APLP1: variants seen among roughly 807,000 people sequenced by gnomAD.
The protein encoded by APLP1 is amyloid beta (A4) precursor-like protein 1.
In APLP1, 46 loss-of-function variants were observed where a neutral mutation model predicts 84.5. The ratio of observed to expected loss-of-function variants is 0.54; its 90% CI spans 0.43 to 0.70. APLP1 has a LOEUF of 0.70. APLP1 is among the 30% of genes least tolerant of loss of function. APLP1 has a pLI of 0.00. For missense variants in APLP1, 826 were observed against 900.2 expected, an observed-to-expected ratio of 0.92 and a Z score of 1.05; for synonymous variants, 376 against 364.0, an observed-to-expected ratio of 1.03 and a Z score of -0.38.
chr19:35,874,658 C>G lies in APLP1; in HGVS notation c.1211C>G (p.Pro404Arg). 1 of 1,613,658 alleles carries G rather than the reference C, an allele frequency of 6.2e-7. No homozygotes were observed. Among genetic ancestry groups the G allele is most frequent in the Non-Finnish European group, 8.5e-7 (1 of 1,179,940 alleles). ...CTGGCAGCCCTGCAGGCAGATCCGC[C>G]TCAGGTGCGGGGACCGTGGGGGCAG... ...GFLAALQADP[P>R]QAERVLLALR... is the part of the protein sequence containing the mutation. Residue 404 changes from proline to arginine, a missense_variant, in exon 9 of 17, where the codon CCT becomes CGT. Around this residue, in one of 3 missense-constraint regions of APLP1, gnomAD observed 433 missense variants for 496.5 expected, o/e 0.87. Transcript: ENST00000221891. This position sits in a 1 kb window ranked among gnomAD's most constrained non-coding sequence, Gnocchi z 6.4.
Position 35,868,762 on chromosome 19 carries a change from T to C in APLP1, c.126T>C (p.Gly42=). 1 of 1,268,828 alleles carries C rather than the reference T, an allele frequency of 7.9e-7. No homozygotes were observed. Among genetic ancestry groups the C allele is most frequent in the Non-Finnish European group, 9.9e-7 (1 of 1,009,286 alleles). 78.6% of individuals were successfully genotyped at this position (1,268,828 alleles called of 1,614,324 possible). Residue 42 remains glycine, a synonymous_variant, in exon 1 of 17, where the codon GGT becomes GGC. Transcript: ENST00000221891. The surrounding 1 kb of genome is among the most constrained non-coding windows in gnomAD (Gnocchi z 5.2). ...RAQPAIGSLA[G]GSPGAAEAPG... is the part of the protein sequence containing the mutation. ...AGCCCGCCATCGGGAGCCTGGCCGG[T>C]GGGAGCCCCGGCGCGGCCGAGGTGA...
chr19:35,878,189 G>T, intron 13 of APLP1, 81 bp downstream of exon 13: 1 of 1,463,216 alleles, frequency 6.8e-7, no homozygotes, highest in Non-Finnish European at 9.4e-7. Context: ...CATCCATTGG[G>T]AACCTCAGAC....
At chr19:35,869,552 CG>C (rs1974086036) in intron 1 of APLP1, 114 bp from the exon 2 acceptor site, 1 of 1,387,148 alleles carries the variant, frequency 7.2e-7, no homozygotes, top group African/African-American at 1.5e-5. Flanking sequence ...AGGCGGTGTG[CG>C]GTGCTTGGGG....
Position 35,877,745 on chromosome 19 carries a change from G to A in APLP1, c.1472G>A (p.Gly491Asp). 2 of 1,610,098 alleles carry A rather than the reference G, an allele frequency of 1.2e-6. No homozygotes were observed. Among genetic ancestry groups the A allele is most frequent in the Non-Finnish European group, 1.7e-6 (2 of 1,178,924 alleles). Residue 491 changes from glycine (G) to aspartate (D), a missense_variant, in exon 12 of 17, where the codon GGT becomes GAT. Gly to Asp is a moderately conservative substitution (Grantham distance 94). Coordinates refer to ENST00000221891, the MANE Select transcript of APLP1 (RefSeq NM_001024807.3). ...IQELLHSEHL[G>D]PSELEAPAPG... ...GAACTCCTCCACTCTGAACACCTGG[G>A]TCCCAGTGAATTGGAAGCCCCTGCC...
intron 10 of APLP1, 37 bp from the exon 11 acceptor site, chr19:35,876,480 A>G (rs759706855): frequency 1.3e-6 from 2 of 1,553,886 alleles, no homozygotes; most frequent in East Asian, 4.5e-5. Context: ...TCCAGCCTGC[A>G]TTGCGCAGTT....
intron 10 of APLP1, among the ~76,000 whole-genome samples, chr19:35,876,081 C>T (rs981379348): frequency 1.3e-5 from 2 of 152,236 alleles, no homozygotes; most frequent in African/African-American, 4.8e-5. Context: ...GGTCGAGAAT[C>T]TCCTTCTTGT....
At chr19:35,872,716 GC>G (rs2146906122) in intron 7 of APLP1, 103 bp downstream of exon 7, 1 of 1,376,588 alleles carries the variant, frequency 7.3e-7, no homozygotes, top group African/African-American at 1.5e-5. Flanking sequence ...GGCTCCCTAA[GC>G]CCCTTTGACC....
In APLP1 at chr19:35,874,513, T is replaced by A; in HGVS notation, c.1066T>A (p.Ser356Thr). ...CCCACCCGCTCCCCAGCACTTCCAGTCCATTCTGCAGACTCTGGAGGAGCA... is the reference window on the plus strand; with the variant it reads ...CCCACCCGCTCCCCAGCACTTCCAGACCATTCTGCAGACTCTGGAGGAGCA... ...DRQALNEHFQ[S>T]ILQTLEEQVS... The change falls in exon 9 of 17, where the codon TCC becomes ACC. Residue 356 changes from serine to threonine, a missense_variant. Transcript: ENST00000221891. This position sits in a 1 kb window ranked among gnomAD's most constrained non-coding sequence, Gnocchi z 6.4. 6.2e-7 allele frequency: 1 copy of A among 1,614,160 alleles called. No individual in the cohort carries two copies. The highest frequency in any genetic ancestry group is 8.5e-7 in the Non-Finnish European group (1 of 1,180,016).
Position 35,868,901 on chromosome 19 carries a change from A to G in APLP1, c.147+118A>G. ...CTTTCCAGCCAGGTGGTCAGCCCCCAGGCGCCCCCAATCACATTTATGAAC... is the reference window on the plus strand; with the variant it reads ...CTTTCCAGCCAGGTGGTCAGCCCCCGGGCGCCCCCAATCACATTTATGAAC... On this transcript the variant is annotated intron_variant, in intron 1 of 16. Transcript: ENST00000221891. This position sits in a 1 kb window ranked among gnomAD's most constrained non-coding sequence, Gnocchi z 5.2. The G allele has an allele frequency of 1.1e-6, 1 of 910,114 alleles. No individual in the cohort carries two copies. Among genetic ancestry groups the G allele is most frequent in the Non-Finnish European group, 1.5e-6 (1 of 689,030 alleles). 56.4% of individuals were successfully genotyped at this position (910,114 alleles called of 1,614,324 possible).
At position 35,869,455 on chromosome 19, in the gene APLP1, C is replaced by CG. The variant is rs1168215388; in HGVS notation, c.148-207dup. ...CGCGGCAACAAGGCAGAAAGAATCC[C>CG]GGGGGACCCAGGTCGCCATAGCAAC... On this transcript the variant is annotated intron_variant, in intron 1 of 16. Coordinates refer to ENST00000221891, the MANE Select transcript of APLP1 (RefSeq NM_001024807.3). The CG allele has an allele frequency of 4.3e-6, 3 of 702,688 alleles. No individual in the cohort carries two copies. The African/African-American group carries it at 5.5e-5, about 13-fold the overall frequency. The allele number at this position is 702,688 out of a possible 1,614,324, so 43.5% of individuals were successfully genotyped here.
chr19:35,868,910 C>T lies in APLP1; in HGVS notation c.147+127C>T. 2 of 819,174 alleles carry T rather than the reference C, an allele frequency of 2.4e-6. No individual in the cohort carries two copies. The highest frequency in any genetic ancestry group is 1.7e-6 in the Non-Finnish European group (1 of 604,572). 50.7% of individuals were successfully genotyped at this position (819,174 alleles called of 1,614,324 possible). ...CAGGTGGTCAGCCCCCAGGCGCCCC[C>T]AATCACATTTATGAACCCAGGGTTC... On this transcript the variant is annotated intron_variant, in intron 1 of 16. Coordinates refer to ENST00000221891, the MANE Select transcript of APLP1 (RefSeq NM_001024807.3). The surrounding 1 kb of genome is among the most constrained non-coding windows in gnomAD (Gnocchi z 5.2).
At position 35,871,261 on chromosome 19, in the gene APLP1, T is replaced by C; in HGVS notation, c.449T>C (p.Leu150Pro). ...GCTGGTGAATTTGTGAGTGAGGCCC[T>C]GCTGGTGCCTGAAGGCTGCCGGTTC... ...CLPGEFVSEALLVPEGCRFLH... is the reference protein window; with the variant it reads ...CLPGEFVSEAPLVPEGCRFLH... Residue 150 changes from leucine (L) to proline (P), a missense_variant, in exon 4 of 17, where the codon CTG (leucine) becomes CCG (proline). Leu to Pro is a moderately conservative substitution (Grantham distance 98, BLOSUM62 -3). Transcript: ENST00000221891. 1 of 1,613,630 alleles carries C rather than the reference T, an allele frequency of 6.2e-7. No homozygotes were observed. The highest frequency in any genetic ancestry group is 1.1e-5 in the South Asian group (1 of 90,936).
chr19:35,869,495 G>GC (rs763908819), intron 1 of APLP1, 172 bp from the exon 2 acceptor site: 3 of 911,370 alleles, frequency 3.3e-6, no homozygotes, highest in Non-Finnish European at 5.1e-6. Flanking sequence ...GCGCTGGGGC[G>GC]CCCCCGCCCT....
Position 35,878,607 on chromosome 19 carries a change from TC to T in APLP1, c.1607del (p.Pro536LeufsTer6). The T allele has an allele frequency of 6.2e-7, 1 of 1,613,386 alleles. No homozygotes were observed. Among genetic ancestry groups the T allele is most frequent in the Non-Finnish European group, 8.5e-7 (1 of 1,179,904 alleles). On this transcript the variant is annotated frameshift_variant, in exon 14 of 17. Coordinates refer to ENST00000221891, the MANE Select transcript of APLP1 (RefSeq NM_001024807.3). LOFTEE classifies it high-confidence loss of function. ...AGGGTCCACAGAACAAGATGCTGCA[TC>T]CCCTGAGAAAGAGAAGATGAACCCG... The part of the protein sequence containing the change: ...PKGSTEQDAA[S>X]PEKEKMNPLE...
chr19:35,870,791 A>G (rs1384005313), intron 2 of APLP1, 105 bp from the exon 3 acceptor site: 2 of 1,445,518 alleles, frequency 1.4e-6, no homozygotes, highest in East Asian at 5.0e-5. Flanking sequence ...TCTCAAAGAA[A>G]GAAAGAAAGA....
chr19:35,877,911 T>C, intron 12 of APLP1, 86 bp downstream of exon 12: 2 of 1,343,646 alleles, frequency 1.5e-6, no homozygotes, highest in South Asian at 2.6e-5. Context: ...TGAGGGTGTC[T>C]TCACCACCAC....
Position 35,878,231 on chromosome 19 carries a change from C to A in APLP1, c.1579+123C>A, listed in dbSNP as rs1358023560. The A allele has an allele frequency of 2.6e-5, 28 of 1,088,234 alleles. No individual in the cohort carries two copies. The East Asian group carries it at 6.7e-4, about 26-fold the overall frequency. 67.4% of individuals were successfully genotyped at this position (1,088,234 alleles called of 1,614,324 possible). ...GGGTAGAGTTTGATGTACTTTCCAG[C>A]CCCCTCCTCTGGACCCTAAAGAATG... On this transcript the variant is annotated intron_variant, in intron 13 of 16. Transcript: ENST00000221891.
chr19:35,879,201 G>GCCATGGCGTGGTGGAGGTGAGAA lies in APLP1; in HGVS notation c.1857+4_1857+26dup, dbSNP rs777839235. 5.0e-6 allele frequency: 8 copies of GCCATGGCGTGGTGGAGGTGAGAA among 1,612,894 alleles called. No homozygotes were observed. The highest frequency in any genetic ancestry group is 1.7e-5 in the Admixed American group (1 of 60,008). On this transcript the variant is annotated frameshift_variant, in exon 16 of 17. Coordinates refer to ENST00000221891, the MANE Select transcript of APLP1 (RefSeq NM_001024807.3). LOFTEE classifies it high-confidence loss of function. ...AGGAAGAAGCCCTACGGGGCTATCAGCCATGGCGTGGTGGAGGTGAGAACC... is the reference window on the plus strand; with the variant it reads ...AGGAAGAAGCCCTACGGGGCTATCAGCCATGGCGTGGTGGAGGTGAGAACCATGGCGTGGTGGAGGTGAGAACC...
Position 35,868,739 on chromosome 19 carries a change from C to T in APLP1, c.103C>T (p.Pro35Ser), listed in dbSNP as rs1243457030. The stretch of plus-strand genomic sequence containing the variant: ...ATTGCTGCTGCTTCTGCGCGCGCAG[C>T]CCGCCATCGGGAGCCTGGCCGGTGG... Reference protein sequence around the residue: ...PLLLLLLRAQPAIGSLAGGSP... With the variant: ...PLLLLLLRAQSAIGSLAGGSP... The change falls in exon 1 of 17, where the codon CCC (proline) becomes TCC (serine). Residue 35 changes from proline to serine, a missense_variant. Around this residue, in one of 3 missense-constraint regions of APLP1, gnomAD observed 383 missense variants for 378.3 expected, o/e 1.01. Coordinates refer to ENST00000221891, the MANE Select transcript of APLP1 (RefSeq NM_001024807.3). This position sits in a 1 kb window ranked among gnomAD's most constrained non-coding sequence, Gnocchi z 5.2. The T allele has an allele frequency of 3.6e-6, 5 of 1,386,458 alleles. No individual in the cohort carries two copies. In the African/African-American group the frequency reaches 4.6e-5, roughly 13 times the overall value. The allele number at this position is 1,386,458 out of a possible 1,614,324, so 85.9% of individuals were successfully genotyped here.
Sources: gnomAD v4.1 joint callset for allele counts (sites outside exome capture counted in the v4.1 genomes callset) on GRCh38, gnomAD v4.1.1 for gene constraint, gnomAD v4.1.1 regional missense constraint, Gnocchi (gnomAD v3.1) non-coding constraint, MANE v1.5 for transcripts, NCBI Gene and HGNC (gene_info 2026-07-23, HGNC 2026-07-21) for gene names.